Variants in DNMT3A observed in about 807,000 individuals in gnomAD.
DNMT3A encodes the protein DNA methyltransferase 3 alpha.
Under a neutral mutation model 117.6 loss-of-function variants are expected in DNMT3A, and 267 were observed. That is an observed-to-expected ratio of 2.27 (90% CI 2.05 to 2.51). The LOEUF is 2.51. Among genes scored for constraint, DNMT3A ranks in the 30% most tolerant of loss-of-function variants. The pLI, the probability that DNMT3A is intolerant of heterozygous loss-of-function variation, is 0.00. For missense variants in DNMT3A, 1,029 were observed against 1,260.2 expected (o/e 0.82, Z 2.78); for synonymous variants, 432 against 474.8 (o/e 0.91, Z 1.17).
rs2033722211 is a variant in DNMT3A at position 25,305,206 on chromosome 2, C to G, written c.73-4963G>C. On this transcript the variant is annotated intron_variant, in intron 2 of 22. Coordinates refer to ENST00000321117, the MANE Select transcript of DNMT3A (RefSeq NM_022552.5). This position sits in a 1 kb window ranked among gnomAD's most constrained non-coding sequence, Gnocchi z 4.1. ...ATCTTTACGATTCCAGATTAGGAAACAAGAGGACTAAAACGTCCCTTCTAG... is the reference window on the plus strand; with the variant it reads ...ATCTTTACGATTCCAGATTAGGAAAGAAGAGGACTAAAACGTCCCTTCTAG... Among the ~76,000 whole-genome samples the G allele has an allele frequency of 2.0e-5, 3 of 152,224 alleles. No individual in the cohort carries two copies. The highest frequency in any genetic ancestry group is 2.0e-4 in the Admixed American group (3 of 15,284).
At chr2:25,325,954 A>C (rs1021052515) in intron 1 of DNMT3A, among the ~76,000 whole-genome samples, 1 of 152,262 alleles carries the variant, frequency 6.6e-6, no homozygotes, top group Non-Finnish European at 1.5e-5. Flanking sequence ...TAAAAGAAGC[A>C]TGACCTGCTA....
intron 6 of DNMT3A, among the ~76,000 whole-genome samples, chr2:25,249,930 G>A (rs749702418): frequency 2.1e-4 from 32 of 152,176 alleles, no homozygotes; most frequent in Non-Finnish European, 4.0e-4. Context: ...CCATCCTCAA[G>A]GGTAAAGAGG....
chr2:25,238,443 C>T (rs1297117171), intron 20 of DNMT3A, among the ~76,000 whole-genome samples: 1 of 152,182 alleles, frequency 6.6e-6, no homozygotes, highest in Non-Finnish European at 1.5e-5. Flanking sequence ...ACTCAGAACA[C>T]TCTGGAAAAC....
chr2:25,260,338 T>G (rs1428201985), intron 6 of DNMT3A, among the ~76,000 whole-genome samples: 1 of 152,210 alleles, frequency 6.6e-6, no homozygotes, highest in Non-Finnish European at 1.5e-5. Flanking sequence ...GTCCCAGAGC[T>G]TCTGCTCCAG....
chr2:25,274,836 C>T, intron 6 of DNMT3A, 105 bp downstream of exon 6: 2 of 1,473,872 alleles, frequency 1.4e-6, no homozygotes, highest in Non-Finnish European at 9.1e-7. Flanking sequence ...TTAAGAGGCT[C>T]CCAGTAAGTT....
intron 4 of DNMT3A, among the ~76,000 whole-genome samples, chr2:25,279,717 C>G (rs1407572741): frequency 6.6e-6 from 1 of 151,234 alleles, no homozygotes; most frequent in African/African-American, 2.4e-5. Context: ...GATGGAGTCT[C>G]ACTCTATTGC....
In DNMT3A at chr2:25,236,685, A is replaced by G. The variant is rs191661663; in HGVS notation, c.2478+251T>C. Among the ~76,000 whole-genome samples, 23 of 152,318 alleles carry G rather than the reference A, an allele frequency of 1.5e-4. No individual in the cohort carries two copies. Among genetic ancestry groups the G allele is most frequent in the African/African-American group, 5.1e-4 (21 of 41,576 alleles). ...ATGAAAAAAAAGCCACAGCACAACCAGGTCTTGGTAAAGACTCCTCAGTGT... is the reference window on the plus strand; with the variant it reads ...ATGAAAAAAAAGCCACAGCACAACCGGGTCTTGGTAAAGACTCCTCAGTGT... On this transcript the variant is annotated intron_variant, in intron 21 of 22. Transcript: ENST00000321117. The surrounding 1 kb of genome is among the most constrained non-coding windows in gnomAD (Gnocchi z 4.5).
At chr2:25,324,567 G>T (rs962192840) in intron 1 of DNMT3A, among the ~76,000 whole-genome samples, 1 of 152,180 alleles carries the variant, frequency 6.6e-6, no homozygotes, top group Non-Finnish European at 1.5e-5. Flanking sequence ...AGGTGCAAAT[G>T]TGGGTGACAG....
At chr2:25,262,365 G>GA (rs968504285) in intron 6 of DNMT3A, among the ~76,000 whole-genome samples, 1 of 151,764 alleles carries the variant, frequency 6.6e-6, no homozygotes, top group African/African-American at 2.4e-5. Flanking sequence ...ACCAATAAAG[G>GA]AAAAAAATGG....
chr2:25,271,753 T>G (rs1487494073), intron 6 of DNMT3A, among the ~76,000 whole-genome samples: 1 of 152,204 alleles, frequency 6.6e-6, no homozygotes, highest in Non-Finnish European at 1.5e-5. Context: ...TGTTTGGAGA[T>G]CTCCACATTG....
At chr2:25,302,081 A>C (rs1432778604) in intron 2 of DNMT3A, among the ~76,000 whole-genome samples, 2 of 152,112 alleles carry the variant, frequency 1.3e-5, no homozygotes, top group Non-Finnish European at 2.9e-5. Context: ...ATCATGGCTC[A>C]AGTTCTGGGA....
chr2:25,253,136 TG>T (rs1163088679), intron 6 of DNMT3A, among the ~76,000 whole-genome samples: 1 of 152,148 alleles, frequency 6.6e-6, no homozygotes, highest in African/African-American at 2.4e-5. Flanking sequence ...ACTCCTCTCC[TG>T]GGGCCTCCAG....
chr2:25,228,089 C>T lies in DNMT3A; in HGVS notation c.*6190G>A, dbSNP rs1269239139. 6.6e-6 allele frequency: 1 copy of T among 150,746 alleles called. No individual in the cohort carries two copies. The highest frequency in any genetic ancestry group is 2.4e-5 in the African/African-American group (1 of 40,948). 9.3% of individuals were successfully genotyped at this position (150,746 alleles called of 1,614,324 possible). On this transcript the variant is annotated 3_prime_UTR_variant, in exon 23 of 23. Coordinates refer to ENST00000321117, the MANE Select transcript of DNMT3A (RefSeq NM_022552.5). ...ACTTACACAGAGATACAACAGGACA[C>T]CAGGCGGGTGGGGCAGGGACCCCTC...
Position 25,239,155 on chromosome 2 carries a change from A to T in DNMT3A, c.2383T>A (p.Trp795Arg), listed in dbSNP as rs778414705. The change falls in exon 20 of 23, where the codon TGG becomes AGG. Residue 795 changes from tryptophan (W) to arginine (R), a missense_variant. Physicochemically the swap from Trp to Arg is moderately radical, Grantham distance 101. Coordinates refer to ENST00000321117, the MANE Select transcript of DNMT3A (RefSeq NM_022552.5). ...VSAAHRARYF[W>R]GNLPGMNRPL... The stretch of plus-strand genomic sequence containing the variant: ...CTGTTCATACCGGGAAGGTTACCCC[A>T]GAAGTAGCGGGCCCTGTGTGCAGCT... 2 of 1,613,974 alleles carry T rather than the reference A, an allele frequency of 1.2e-6. No individual in the cohort carries two copies. Among genetic ancestry groups the T allele is most frequent in the Admixed American group, 3.3e-5 (2 of 60,002 alleles).
At chr2:25,322,519 C>T (rs891255836) in intron 1 of DNMT3A, among the ~76,000 whole-genome samples, 2 of 151,862 alleles carry the variant, frequency 1.3e-5, no homozygotes, top group African/African-American at 4.8e-5. Context: ...AGCCCATGGG[C>T]AGCGCAAGTC....
chr2:25,282,344 G>T lies in DNMT3A; in HGVS notation c.448+97C>A. ...CAAGCAGACCTTTAGCCACGACCCA[G>T]ACCATCCTTCCTGGGACCTGCTGGA... On this transcript the variant is annotated intron_variant, in intron 4 of 22. Coordinates refer to ENST00000321117, the MANE Select transcript of DNMT3A (RefSeq NM_022552.5). The surrounding 1 kb of genome is among the most constrained non-coding windows in gnomAD (Gnocchi z 5.2). 1 of 1,532,332 alleles carries T rather than the reference G, an allele frequency of 6.5e-7. No homozygotes were observed. Among genetic ancestry groups the T allele is most frequent in the South Asian group, 1.2e-5 (1 of 82,994 alleles). The allele number at this position is 1,532,332 out of a possible 1,614,324, so 94.9% of individuals were successfully genotyped here.
intron 3 of DNMT3A, among the ~76,000 whole-genome samples, chr2:25,290,984 C>T (rs1039433210): frequency 9.2e-5 from 14 of 152,188 alleles, no homozygotes; most frequent in African/African-American, 3.4e-4. Flanking sequence ...CCATGCCAAC[C>T]GGGAACCCTG....
chr2:25,340,540 G>T (rs926694880), intron 1 of DNMT3A, among the ~76,000 whole-genome samples: 12 of 152,056 alleles, frequency 7.9e-5, no homozygotes, highest in African/African-American at 1.7e-4. Context: ...AGGGCGGCCT[G>T]GGGGAGGGGA....
At chr2:25,314,699 C>T (rs71439165) in intron 1 of DNMT3A, 48,070 of 985,350 alleles carry the variant, frequency 0.049, 1,265 homozygotes, top group South Asian at 0.077. Context: ...GGTCTGAGCT[C>T]AGGCTGCAGG....
Sources: gnomAD v4.1 joint callset for allele counts (sites outside exome capture counted in the v4.1 genomes callset) on GRCh38, gnomAD v4.1.1 for gene constraint, Gnocchi (gnomAD v3.1) non-coding constraint, MANE v1.5 for transcripts, NCBI Gene and HGNC (gene_info 2026-07-23, HGNC 2026-07-21) for gene names.